Variants in ITGA1 observed in about 807,000 individuals in gnomAD.
ITGA1 encodes integrin subunit alpha 1.
ITGA1 carries 85 observed loss-of-function variants against 145.9 expected under a neutral mutation model. That is an observed-to-expected ratio of 0.58 (90% CI 0.49 to 0.70). The LOEUF is 0.70. Ranked by LOEUF, ITGA1 falls within the 30% of genes least tolerant of loss-of-function variation. ITGA1 has a pLI of 0.00. For synonymous variants in ITGA1, 520 were observed against 495.3 expected, an observed-to-expected ratio of 1.05 and a Z score of -0.66; for missense variants, 1,351 against 1,418.7, an observed-to-expected ratio of 0.95 and a Z score of 0.77.
intron 21 of ITGA1, chr5:52,931,108 C>T (rs1579726550): frequency 1.3e-5 from 2 of 152,282 alleles, no homozygotes; most frequent in East Asian, 3.9e-4. Context: ...TTAAAAAGTA[C>T]TCTTATGCCC....
At chr5:52,800,397 G>A in intron 1 of ITGA1, 1 of 1,613,906 alleles carries the variant, frequency 6.2e-7, no homozygotes, top group Non-Finnish European at 8.5e-7. Flanking sequence ...CCTTGGCCAT[G>A]AAGCTCGTGA....
In ITGA1 at chr5:52,910,592, C is replaced by T. The variant is rs553299117; in HGVS notation, c.1857+173C>T. Among the ~76,000 whole-genome samples, 3 of 149,506 alleles carry T rather than the reference C, an allele frequency of 2.0e-5. No homozygotes were observed. In the South Asian group the frequency reaches 6.3e-4, roughly 31 times the overall value. ...AGATTAGTTACTATATATATATACA[C>T]ACACAAACAAACTATAAATATACAC... On this transcript the variant is annotated intron_variant, in intron 14 of 28. Coordinates refer to ENST00000282588, the MANE Select transcript of ITGA1 (RefSeq NM_181501.2).
At chr5:52,854,690 A>C (rs867266531) in intron 2 of ITGA1, among the ~76,000 whole-genome samples, 1 of 152,232 alleles carries the variant, frequency 6.6e-6, no homozygotes, top group Non-Finnish European at 1.5e-5. Context: ...TATCTTTTGC[A>C]GGGAAGAAAA....
chr5:52,871,594 G>A (rs770611329), intron 6 of ITGA1, among the ~76,000 whole-genome samples: 4 of 150,748 alleles, frequency 2.7e-5, no homozygotes, highest in Non-Finnish European at 4.4e-5. Flanking sequence ...CAAAGTAACT[G>A]TTACCTCCAA....
chr5:52,875,172 C>A (rs1749846176), intron 6 of ITGA1, among the ~76,000 whole-genome samples: 1 of 151,984 alleles, frequency 6.6e-6, no homozygotes, highest in Admixed American at 6.6e-5. Context: ...GAGGAGTCTG[C>A]CGTAAAGATA....
chr5:52,909,454 G>C (rs1750464631), intron 13 of ITGA1, among the ~76,000 whole-genome samples: 1 of 152,006 alleles, frequency 6.6e-6, no homozygotes, highest in African/African-American at 2.4e-5. Context: ...AGGCTTCCAG[G>C]AAATACTTCA....
At chr5:52,808,676 C>CTTTCATT (rs1554041033) in intron 1 of ITGA1, among the ~76,000 whole-genome samples, 1 of 69,328 alleles carries the variant, frequency 1.4e-5, no homozygotes, top group African/African-American at 6.3e-5. Flanking sequence ...TTCTTTCTTT[C>CTTTCATT]TTTTTTTTTT....
chr5:52,872,667 T>C (rs1749796381), intron 6 of ITGA1, among the ~76,000 whole-genome samples: 1 of 150,446 alleles, frequency 6.6e-6, no homozygotes, highest in Non-Finnish European at 1.5e-5. Flanking sequence ...CAAGCTATTC[T>C]CCTGCCTCAG....
intron 1 of ITGA1, among the ~76,000 whole-genome samples, chr5:52,839,916 G>T (rs1749226483): frequency 6.6e-6 from 1 of 152,070 alleles, no homozygotes; most frequent in African/African-American, 2.4e-5. Context: ...TGGAACATGT[G>T]TATGCCTTCA....
intron 8 of ITGA1, among the ~76,000 whole-genome samples, chr5:52,890,695 A>C (rs1456892734): frequency 6.6e-6 from 1 of 152,232 alleles, no homozygotes; most frequent in Non-Finnish European, 1.5e-5. Flanking sequence ...TGGAATATCC[A>C]TCACCTCAGA....
intron 8 of ITGA1, among the ~76,000 whole-genome samples, 174 bp downstream of exon 8, chr5:52,888,139 C>T (rs1750084084): frequency 6.6e-6 from 1 of 151,646 alleles, no homozygotes; most frequent in African/African-American, 2.4e-5. Flanking sequence ...GTCCTTAGTA[C>T]CCAGCACAAT....
At chr5:52,887,191 C>T (rs1442437376) in intron 7 of ITGA1, among the ~76,000 whole-genome samples, 1 of 152,076 alleles carries the variant, frequency 6.6e-6, no homozygotes, top group Non-Finnish European at 1.5e-5. Context: ...TCCCTAAAAC[C>T]CAACTGACTA....
chr5:52,908,164 G>A (rs1308154100), intron 12 of ITGA1, among the ~76,000 whole-genome samples: 1 of 152,168 alleles, frequency 6.6e-6, no homozygotes, highest in Non-Finnish European at 1.5e-5. Context: ...TGCCACAGGG[G>A]CAGAAGCAAG....
intron 23 of ITGA1, 73 bp from the exon 24 acceptor site, chr5:52,937,328 C>G: frequency 1.0e-6 from 1 of 967,338 alleles, no homozygotes; most frequent in Middle Eastern, 2.2e-4. Context: ...AGCTAGAAAA[C>G]AAAGCCCTAC....
chr5:52,910,952 GTA>G lies in ITGA1; in HGVS notation c.1857+538_1857+539del, dbSNP rs1750503097. Among the ~76,000 whole-genome samples, 37 of 132,632 alleles carry G rather than the reference GTA, an allele frequency of 2.8e-4. 2 individuals carry two copies. The East Asian group carries it at 7.8e-3, about 28-fold the overall frequency. 87.0% of individuals were successfully genotyped at this position (132,632 alleles called of 152,430 possible). A position where few individuals can be genotyped will look rare whatever the true frequency, so the allele number is the denominator to read the frequency against. ...ATATATGGTATGTATACTGTATATA[GTA>G]TATACACTATATATACTATATATAG... On this transcript the variant is annotated intron_variant, in intron 14 of 28. Coordinates refer to ENST00000282588, the MANE Select transcript of ITGA1 (RefSeq NM_181501.2).
At chr5:52,814,667 T>C (rs1316675889) in intron 1 of ITGA1, among the ~76,000 whole-genome samples, 1 of 152,136 alleles carries the variant, frequency 6.6e-6, no homozygotes, top group Non-Finnish European at 1.5e-5. Flanking sequence ...GCTCCTGATA[T>C]TTGAACAGGT....
Position 52,927,635 on chromosome 5 carries a change from G to T in ITGA1, c.2665G>T (p.Gly889Ter), listed in dbSNP as rs1198971413. The change falls in exon 20 of 29, where the codon GGA becomes TGA. Residue 889 changes from glycine (G) to a stop codon, truncating the protein, a stop_gained. Coordinates refer to ENST00000282588, the MANE Select transcript of ITGA1 (RefSeq NM_181501.2). LOFTEE classifies it high-confidence loss of function. ...ESNHNITCKV[G>*]YPFLRRGEMV... is the part of the protein sequence containing the mutation. ...TAATCATAATATCACATGTAAAGTT[G>T]GATATCCCTTCCTGAGAAGAGGAGA... The T allele has an allele frequency of 6.2e-7, 1 of 1,610,618 alleles. No individual in the cohort carries two copies. The highest frequency in any genetic ancestry group is 1.7e-5 in the Admixed American group (1 of 59,890).
At chr5:52,936,867 G>T (rs1260639963) in intron 23 of ITGA1, among the ~76,000 whole-genome samples, 7 of 151,350 alleles carry the variant, frequency 4.6e-5, no homozygotes, top group African/African-American at 1.7e-4. Context: ...GCTGGGGGTA[G>T]AATTGTGAAG....
chr5:52,790,790 G>A (rs1748222439), intron 1 of ITGA1, among the ~76,000 whole-genome samples: 1 of 152,148 alleles, frequency 6.6e-6, no homozygotes, highest in African/African-American at 2.4e-5. Flanking sequence ...CAGGTTCCAG[G>A]CATTAGGTCA....
Sources: gnomAD v4.1 joint callset for allele counts (sites outside exome capture counted in the v4.1 genomes callset) on GRCh38, gnomAD v4.1.1 for gene constraint, MANE v1.5 for transcripts, NCBI Gene and HGNC (gene_info 2026-07-23, HGNC 2026-07-21) for gene names.